Variants in MYO3B observed in about 807,000 individuals in gnomAD.
The protein encoded by MYO3B is myosin IIIB, also known as myosin-IIIb.
In MYO3B, 156 loss-of-function variants were observed where a neutral mutation model predicts 174.6. The ratio of observed to expected loss-of-function variants is 0.89; its 90% CI spans 0.78 to 1.02. The LOEUF (loss-of-function observed/expected upper bound fraction) is 1.02, where lower values mean the gene tolerates loss of function less well. MYO3B is among the 50% of genes least tolerant of loss of function. The pLI, the probability that MYO3B is intolerant of heterozygous loss-of-function variation, is 0.00. For synonymous variants in MYO3B, 563 were observed against 569.1 expected, an observed-to-expected ratio of 0.99 and a Z score of 0.15; for missense variants, 1,632 against 1,639.4, an observed-to-expected ratio of 1.00 and a Z score of 0.08.
chr2:170,367,936 C>T (rs538048794), intron 8 of MYO3B, among the ~76,000 whole-genome samples: 16 of 152,268 alleles, frequency 1.1e-4, no homozygotes, highest in African/African-American at 3.9e-4. Flanking sequence ...GCTTTTCTGG[C>T]TGAAAGCTCC....
intron 1 of MYO3B, among the ~76,000 whole-genome samples, chr2:170,182,251 A>G (rs1033732493): frequency 6.6e-6 from 1 of 151,950 alleles, no homozygotes; most frequent in African/African-American, 2.4e-5. Flanking sequence ...ATTTAGCTAT[A>G]TTTTTTTAAA....
chr2:170,645,150 T>G lies in MYO3B; in HGVS notation c.3734-6478T>G, dbSNP rs936756726. Among the ~76,000 whole-genome samples, 23 of 152,112 alleles carry G rather than the reference T, an allele frequency of 1.5e-4. 1 individual carries two copies. ...CACTTTGAGAATATGAGCATTATGG[T>G]CCTCAAAGTAAAAACTCACATTCTA... On this transcript the variant is annotated intron_variant, in intron 32 of 34. Coordinates refer to ENST00000408978, the MANE Select transcript of MYO3B (RefSeq NM_138995.5).
At chr2:170,497,138 G>A (rs1055911049) in intron 25 of MYO3B, among the ~76,000 whole-genome samples, 3 of 152,098 alleles carry the variant, frequency 2.0e-5, no homozygotes, top group African/African-American at 7.2e-5. Context: ...ACACGTGAAA[G>A]GTACTCTTCC....
intron 32 of MYO3B, among the ~76,000 whole-genome samples, chr2:170,587,941 G>A (rs751118096): frequency 6.6e-6 from 1 of 152,170 alleles, no homozygotes; most frequent in African/African-American, 2.4e-5. Flanking sequence ...TTTCAGTATG[G>A]ATGAAACCTC....
At chr2:170,604,183 C>A (rs530107634) in intron 32 of MYO3B, among the ~76,000 whole-genome samples, 1 of 152,298 alleles carries the variant, frequency 6.6e-6, no homozygotes, top group Non-Finnish European at 1.5e-5. Flanking sequence ...TGACTTTATG[C>A]AAAAGCCTCC....
intron 7 of MYO3B, among the ~76,000 whole-genome samples, chr2:170,267,855 A>C (rs1371071615): frequency 6.6e-6 from 1 of 152,180 alleles, no homozygotes; most frequent in African/African-American, 2.4e-5. Context: ...TTGGGCACAT[A>C]GTTGTGAAAG....
chr2:170,197,987 C>T (rs77974255), intron 1 of MYO3B, among the ~76,000 whole-genome samples: 142 of 152,240 alleles, frequency 9.3e-4, no homozygotes, highest in Non-Finnish European at 1.6e-3. Context: ...TTAGTGCTCA[C>T]TGCAACCCTG....
chr2:170,627,948 C>G (rs1037052849), intron 32 of MYO3B, among the ~76,000 whole-genome samples: 6 of 152,210 alleles, frequency 3.9e-5, no homozygotes, highest in Non-Finnish European at 7.3e-5. Flanking sequence ...TGTGACATGT[C>G]AGTCTGCCCC....
chr2:170,290,291 C>G (rs1312358983), intron 7 of MYO3B, among the ~76,000 whole-genome samples: 1 of 152,018 alleles, frequency 6.6e-6, no homozygotes, highest in East Asian at 1.9e-4. Context: ...AGTTCCCTAC[C>G]ATTATTGTAC....
intron 7 of MYO3B, among the ~76,000 whole-genome samples, chr2:170,305,237 T>C (rs553775978): frequency 1.8e-4 from 27 of 152,268 alleles, no homozygotes; most frequent in South Asian, 4.1e-4. Context: ...CCTTTCCTAG[T>C]GATTTGGAGT....
At chr2:170,648,699 ATATAT>A (rs1278842913) in intron 32 of MYO3B, among the ~76,000 whole-genome samples, 1 of 115,088 alleles carries the variant, frequency 8.7e-6, no homozygotes, top group Admixed American at 1.0e-4. Flanking sequence ...TCTATATAAT[ATATAT>A]TATATTCTAT....
chr2:170,391,578 A>C lies in MYO3B; in HGVS notation c.1636A>C (p.Lys546Gln). The C allele has an allele frequency of 6.3e-7, 1 of 1,586,700 alleles. No individual in the cohort carries two copies. Residue 546 changes from lysine to glutamine, a missense_variant, in exon 15 of 35, where the codon AAG becomes CAG. By Grantham distance (53) the Lys-to-Gln change is moderately conservative. Coordinates refer to ENST00000408978, the MANE Select transcript of MYO3B (RefSeq NM_138995.5). ...YIYAGLHHQK[K>Q]LSDFRLPEEK... The stretch of plus-strand genomic sequence containing the variant: ...TTATGCTGGTCTTCATCACCAAAAG[A>C]AGCTTTCTGATTTCAGACTTCCTGA...
intron 22 of MYO3B, among the ~76,000 whole-genome samples, chr2:170,423,478 G>A (rs192588816): frequency 1.2e-3 from 182 of 151,960 alleles, no homozygotes; most frequent in African/African-American, 4.2e-3. Flanking sequence ...CTGCAGATTG[G>A]CTTCTTCATA....
intron 32 of MYO3B, among the ~76,000 whole-genome samples, chr2:170,599,620 C>T (rs1233510679): frequency 6.6e-6 from 1 of 152,010 alleles, no homozygotes; most frequent in Non-Finnish European, 1.5e-5. Flanking sequence ...TGGTGGCGGG[C>T]GCCTGTAATC....
intron 30 of MYO3B, among the ~76,000 whole-genome samples, chr2:170,520,488 T>C (rs917804664): frequency 6.6e-6 from 1 of 151,750 alleles, no homozygotes; most frequent in South Asian, 2.1e-4. Context: ...CATATATATA[T>C]ACACACATAT....
At chr2:170,601,872 G>T in intron 32 of MYO3B, 1 of 859,452 alleles carries the variant, frequency 1.2e-6, no homozygotes, top group Non-Finnish European at 1.9e-6. Context: ...TAATAGGCAG[G>T]CCAGGATGCT....
At chr2:170,481,218 A>G (rs2106011580) in intron 25 of MYO3B, among the ~76,000 whole-genome samples, 1 of 152,356 alleles carries the variant, frequency 6.6e-6, no homozygotes, top group East Asian at 1.9e-4. Context: ...AGCTACATAG[A>G]TGAGAGTCTG....
intron 19 of MYO3B, among the ~76,000 whole-genome samples, chr2:170,403,651 C>G (rs1194005255): frequency 1.3e-5 from 2 of 152,284 alleles, no homozygotes; most frequent in East Asian, 3.9e-4. Context: ...GGCTAAGCCT[C>G]TTCGATGCAG....
chr2:170,369,720 G>A (rs904589369), intron 9 of MYO3B, among the ~76,000 whole-genome samples: 3 of 148,894 alleles, frequency 2.0e-5, no homozygotes, highest in East Asian at 3.9e-4. Flanking sequence ...AGAGGTAACC[G>A]TATGAAAGCA....
Sources: gnomAD v4.1 joint callset for allele counts (sites outside exome capture counted in the v4.1 genomes callset) on GRCh38, gnomAD v4.1.1 for gene constraint, MANE v1.5 for transcripts, NCBI Gene and HGNC (gene_info 2026-07-23, HGNC 2026-07-21) for gene names.